Variants in LRBA observed in about 807,000 individuals in gnomAD.
LRBA encodes the protein lipopolysaccharide-responsive and beige-like anchor protein.
In LRBA, 176 loss-of-function variants were observed where a neutral mutation model predicts 330.0. That is an observed-to-expected ratio of 0.53 (90% CI 0.47 to 0.60). The LOEUF is 0.60. Ranked by LOEUF, LRBA falls within the 20% of genes least tolerant of loss-of-function variation. The pLI is 0.00. For synonymous variants in LRBA, 1,230 were observed against 1,193.0 expected (o/e 1.03, Z -0.64); for missense variants, 3,259 against 3,444.8 (o/e 0.95, Z 1.35).
chr4:150,959,989 G>A (rs1208779518), intron 2 of LRBA, among the ~76,000 whole-genome samples: 2 of 147,176 alleles, frequency 1.4e-5, no homozygotes, highest in East Asian at 3.9e-4. Context: ...CTGTGTTCAA[G>A]GAATCCTCCT....
At chr4:150,979,460 A>C (rs770559830) in intron 2 of LRBA, among the ~76,000 whole-genome samples, 1 of 152,204 alleles carries the variant, frequency 6.6e-6, no homozygotes, top group Non-Finnish European at 1.5e-5. Context: ...TGAAAGTACA[A>C]AATTAATTGG....
At chr4:150,372,984 C>A (rs914930213) in intron 47 of LRBA, among the ~76,000 whole-genome samples, 3 of 151,996 alleles carry the variant, frequency 2.0e-5, no homozygotes, top group African/African-American at 7.2e-5. Context: ...GATACTCAAG[C>A]AATCCTATGG....
At chr4:150,711,567 T>A (rs1260004625) in intron 36 of LRBA, among the ~76,000 whole-genome samples, 1 of 152,138 alleles carries the variant, frequency 6.6e-6, no homozygotes, top group African/African-American at 2.4e-5. Flanking sequence ...ACAATATAAT[T>A]TCAAGAGTTG....
At chr4:150,552,619 C>G (rs959186065) in intron 40 of LRBA, among the ~76,000 whole-genome samples, 4 of 152,076 alleles carry the variant, frequency 2.6e-5, no homozygotes, top group Non-Finnish European at 5.9e-5. Context: ...ACTAGAAATA[C>G]CATTTGACCC....
Position 150,415,573 on chromosome 4 carries a change from A to G in LRBA, c.7059T>C (p.Phe2353=). The G allele has an allele frequency of 6.3e-7, 1 of 1,576,680 alleles. No homozygotes were observed. Among genetic ancestry groups the G allele is most frequent in the Non-Finnish European group, 8.7e-7 (1 of 1,146,508 alleles). The change falls in exon 47 of 57, where the codon TTT becomes TTC. Residue 2353 remains phenylalanine (F), a synonymous_variant. Transcript: ENST00000651943. ...TSDIKELIPE[F]YYLPEMFVNF... is the part of the protein sequence containing the mutation. ...TGACAAACATCTCAGGGAGATAATA[A>G]AATTCAGGGATCAACTCCTATATAA...
At chr4:150,379,343 C>A (rs1487908893) in intron 47 of LRBA, among the ~76,000 whole-genome samples, 1 of 134,896 alleles carries the variant, frequency 7.4e-6, no homozygotes, top group Non-Finnish European at 1.6e-5. Flanking sequence ...CAGAATTCAT[C>A]ATTAAATTCC....
At chr4:150,961,295 A>C (rs1309950652) in intron 2 of LRBA, among the ~76,000 whole-genome samples, 1 of 149,218 alleles carries the variant, frequency 6.7e-6, no homozygotes, top group Non-Finnish European at 1.5e-5. Flanking sequence ...ACAAAAGAGA[A>C]TGTCCTTAAA....
Position 150,831,970 on chromosome 4 carries a change from T to C in LRBA, c.4576A>G (p.Ser1526Gly). The C allele has an allele frequency of 6.7e-7, 1 of 1,501,652 alleles. No individual in the cohort carries two copies. Among genetic ancestry groups the C allele is most frequent in the Non-Finnish European group, 8.9e-7 (1 of 1,117,792 alleles). The allele number at this position is 1,501,652 out of a possible 1,614,324, so 93.0% of individuals were successfully genotyped here. ...AAGGCTAAAAATTGAGCTTGTTTGC[T>C]ATCCTCCTGGGAAAAAAAATTAAAG... Reference protein sequence around the residue: ...RAVVFRDIEDSKQAQFLALAV... With the variant: ...RAVVFRDIEDGKQAQFLALAV... Residue 1526 changes from serine (S) to glycine (G), a missense_variant, in exon 29 of 57, where the codon AGC becomes GGC. Physicochemically the swap from Ser to Gly is moderately conservative, Grantham distance 56 (BLOSUM62 0). Coordinates refer to ENST00000651943, the MANE Select transcript of LRBA (RefSeq NM_001364905.1).
intron 34 of LRBA, among the ~76,000 whole-genome samples, chr4:150,762,210 C>T (rs1735188299): frequency 6.6e-6 from 1 of 151,642 alleles, no homozygotes; most frequent in South Asian, 2.1e-4. Context: ...GATGTATTAC[C>T]CAAAATGAAG....
At chr4:150,966,748 C>A (rs2149577869) in intron 2 of LRBA, among the ~76,000 whole-genome samples, 1 of 152,298 alleles carries the variant, frequency 6.6e-6, no homozygotes, top group South Asian at 2.1e-4. Context: ...GCTGAGTTAA[C>A]AGATTTTTCC....
chr4:150,638,403 A>G (rs1018038834), intron 37 of LRBA, among the ~76,000 whole-genome samples: 35 of 152,168 alleles, frequency 2.3e-4, no homozygotes, highest in African/African-American at 8.2e-4. Context: ...CCAACATTAT[A>G]CTTCCTGGTA....
intron 40 of LRBA, among the ~76,000 whole-genome samples, chr4:150,543,080 T>G (rs1038576577): frequency 6.6e-6 from 1 of 152,212 alleles, no homozygotes; most frequent in Non-Finnish European, 1.5e-5. Flanking sequence ...GGGGCTTTGC[T>G]AATTATGTAA....
At position 150,875,532 on chromosome 4, in the gene LRBA, C is replaced by T. The variant is rs115786319; in HGVS notation, c.2166-2777G>A. Among the ~76,000 whole-genome samples, 857 of 152,288 alleles carry T rather than the reference C, an allele frequency of 5.6e-3. 7 individuals carry two copies. Among genetic ancestry groups the T allele is most frequent in the South Asian group, 0.013 (64 of 4,810 alleles). ...ATATACCCAGCCACATTGGCCAAAG[C>T]CCACTCTTACTCATAACTGCCATCC... On this transcript the variant is annotated intron_variant, in intron 17 of 56. Transcript: ENST00000651943.
At chr4:150,451,796 A>G (rs1753378034) in intron 44 of LRBA, among the ~76,000 whole-genome samples, 1 of 152,168 alleles carries the variant, frequency 6.6e-6, no homozygotes, top group Admixed American at 6.5e-5. Flanking sequence ...AGTAAATGCC[A>G]GTATCAAGAA....
chr4:150,607,403 TAATGAG>T (rs1774759719), intron 37 of LRBA, among the ~76,000 whole-genome samples: 1 of 151,814 alleles, frequency 6.6e-6, no homozygotes, highest in Non-Finnish European at 1.5e-5. Context: ...AGGAAAAAGA[TAATGAG>T]AATAAAATCA....
At chr4:150,644,434 G>C (rs892739498) in intron 37 of LRBA, among the ~76,000 whole-genome samples, 1 of 151,904 alleles carries the variant, frequency 6.6e-6, no homozygotes, top group African/African-American at 2.4e-5. Flanking sequence ...TTTACAGATG[G>C]TAAGTTAATT....
chr4:150,939,135 C>A (rs1394538276), intron 2 of LRBA, among the ~76,000 whole-genome samples: 1 of 152,152 alleles, frequency 6.6e-6, no homozygotes, highest in Non-Finnish European at 1.5e-5. Context: ...ACTACTGTGC[C>A]ACTATGACAC....
intron 43 of LRBA, among the ~76,000 whole-genome samples, chr4:150,471,289 T>C (rs1756100404): frequency 1.3e-5 from 2 of 152,120 alleles, no homozygotes. Flanking sequence ...TATCCATCCT[T>C]ATACAACCAT....
intron 56 of LRBA, among the ~76,000 whole-genome samples, 172 bp from the exon 57 acceptor site, chr4:150,265,984 CAG>C (rs1377986971): frequency 6.6e-6 from 1 of 152,180 alleles, no homozygotes; most frequent in Non-Finnish European, 1.5e-5. Context: ...TGAGTAAGCT[CAG>C]AGTACTGCCT....
Sources: allele counts gnomAD v4.1 joint callset (sites outside exome capture counted in the v4.1 genomes callset), GRCh38; gene constraint gnomAD v4.1.1; transcripts MANE v1.5; gene names NCBI Gene and HGNC (gene_info 2026-07-23, HGNC 2026-07-21).